MAST4: variants seen among roughly 807,000 people sequenced by gnomAD.
The protein encoded by MAST4 is microtubule-associated serine/threonine-protein kinase 4.
A neutral mutation model predicts 162.7 loss-of-function variants in MAST4; 89 were observed. The ratio of observed to expected loss-of-function variants is 0.55; its 90% CI spans 0.46 to 0.65. The LOEUF (loss-of-function observed/expected upper bound fraction) is 0.65, where lower values mean the gene tolerates loss of function less well. MAST4 is among the 30% of genes least tolerant of loss of function. The probability of loss-of-function intolerance (pLI) is 0.00; values close to 1 mark genes in which losing one functional copy is unlikely to be tolerated. For missense variants in MAST4, 3,153 were observed against 3,374.0 expected (o/e 0.93, Z 1.62); for synonymous variants, 1,479 against 1,361.1 (o/e 1.09, Z -1.91).
chr5:66,905,302 C>CAAAA (rs60337775), intron 4 of MAST4, among the ~76,000 whole-genome samples: 5 of 78,452 alleles, frequency 6.4e-5, no homozygotes, highest in East Asian at 4.3e-4. Flanking sequence ...AACTCTGTCT[C>CAAAA]AAAAAAAAAA....
At position 67,162,675 on chromosome 5, in the gene MAST4, C is replaced by T. The variant is rs1283923527; in HGVS notation, c.3854C>T (p.Ser1285Phe). ...SPLLHTSRSF[S>F]CLNRSLSSGE... ...TTACTCCACACCAGCCGAAGTTTCT[C>T]CTGCTTGAACAGATCCCTGTCATCG... The change falls in exon 28 of 29, where the codon TCC becomes TTC. Residue 1285 changes from serine (S) to phenylalanine (F), a missense_variant. This residue lies in a region of MAST4 where 619 missense variants were observed against 744.2 expected (regional missense o/e 0.83). Coordinates refer to ENST00000403625, the MANE Select transcript of MAST4 (RefSeq NM_001164664.2). 8.1e-6 allele frequency: 13 copies of T among 1,613,814 alleles called. No homozygotes were observed. Among genetic ancestry groups the T allele is most frequent in the Admixed American group, 1.7e-5 (1 of 59,988 alleles).
At chr5:67,124,105 C>T (rs1285648630) in intron 14 of MAST4, among the ~76,000 whole-genome samples, 4 of 152,182 alleles carry the variant, frequency 2.6e-5, no homozygotes, top group Admixed American at 6.5e-5. Flanking sequence ...CCACTTCTCC[C>T]CACCCTCCCA....
chr5:67,163,113 T>C lies in MAST4; in HGVS notation c.3968-34T>C, dbSNP rs1049126573. ...TGTGAAAAAAAGGGGAAAATGACCATGGATGCTCACAGCCTTCTGTTTTCC... is the reference window on the plus strand; with the variant it reads ...TGTGAAAAAAAGGGGAAAATGACCACGGATGCTCACAGCCTTCTGTTTTCC... On this transcript the variant is annotated intron_variant, in intron 28 of 28. Transcript: ENST00000403625. The surrounding 1 kb of genome is among the most constrained non-coding windows in gnomAD (Gnocchi z 7.0). 3 of 1,572,860 alleles carry C rather than the reference T, an allele frequency of 1.9e-6. No individual in the cohort carries two copies. Among genetic ancestry groups the C allele is most frequent in the Non-Finnish European group, 2.6e-6 (3 of 1,153,940 alleles).
At chr5:66,859,794 C>A (rs115306012) in intron 3 of MAST4, among the ~76,000 whole-genome samples, 2,266 of 152,284 alleles carry the variant, frequency 0.015, 54 homozygotes, top group African/African-American at 0.05. Context: ...TGTGTGATAG[C>A]AGTGATGGCA....
Position 67,164,240 on chromosome 5 carries a change from T to C in MAST4, c.5061T>C (p.Asp1687=). 1 of 1,613,906 alleles carries C rather than the reference T, an allele frequency of 6.2e-7. No individual in the cohort carries two copies. The highest frequency in any genetic ancestry group is 8.5e-7 in the Non-Finnish European group (1 of 1,179,844). The change falls in exon 29 of 29, where the codon GAT becomes GAC. Residue 1687 remains aspartate (D), a synonymous_variant. Transcript: ENST00000403625. The surrounding 1 kb of genome is among the most constrained non-coding windows in gnomAD (Gnocchi z 5.3). ...EKLDSKLANI[D]YLRKKMSLED... is the part of the protein sequence containing the mutation. ...TAGACAGCAAGCTGGCCAACATCGA[T>C]TACCTCCGAAAGAAAATGTCACTTG...
intron 3 of MAST4, among the ~76,000 whole-genome samples, chr5:66,792,877 G>A (rs1249381426): frequency 6.6e-6 from 1 of 152,086 alleles, no homozygotes; most frequent in African/African-American, 2.4e-5. Flanking sequence ...GTTCAAGTAT[G>A]GGGGGGATTG....
Position 66,917,105 on chromosome 5 carries a change from A to G in MAST4, c.674+17123A>G, listed in dbSNP as rs959025086. 3.0e-5 allele frequency: 21 copies of G among 711,616 alleles called. No individual in the cohort carries two copies. The African/African-American group carries it at 3.2e-4, about 11-fold the overall frequency. 44.1% of individuals were successfully genotyped at this position (711,616 alleles called of 1,614,324 possible). ...ACCCATAAGAATGCCCATTTTCTAC[A>G]TTCTCACCAGCACTGGATGTCACTG... On this transcript the variant is annotated intron_variant, in intron 4 of 28. Transcript: ENST00000403625.
intron 4 of MAST4, among the ~76,000 whole-genome samples, chr5:67,049,008 C>CATATATATATATACGTATAT (rs1313075086): frequency 9.6e-6 from 1 of 104,524 alleles, no homozygotes; most frequent in East Asian, 2.2e-4. Context: ...TATACACACA[C>CATATATATATATACGTATAT]ATATATATAT....
Position 66,700,545 on chromosome 5 carries a change from G to C in MAST4, c.364-59164G>C, listed in dbSNP as rs573314792. Among the ~76,000 whole-genome samples, 4 of 152,078 alleles carry C rather than the reference G, an allele frequency of 2.6e-5. No homozygotes were observed. The East Asian group carries it at 7.7e-4, about 29-fold the overall frequency. On this transcript the variant is annotated intron_variant, in intron 1 of 28. Transcript: ENST00000403625. ...AAAAATATAAAAACTAGCCGGGCTG[G>C]TGGTAGTGGGCACCTGTAATCCCAG...
rs1765376048 is a variant in MAST4, at chr5:67,104,507, C to T, written c.1288C>T (p.His430Tyr). 1.2e-6 allele frequency: 2 copies of T among 1,613,874 alleles called. No individual in the cohort carries two copies. Among genetic ancestry groups the T allele is most frequent in the Non-Finnish European group, 1.7e-6 (2 of 1,179,824 alleles). Reference sequence around the variant, plus strand: ...GGCTCGAGATTGCTTGGATAAATCCCACCAGGGCCTCATCACCTCACGATA... The same window carrying T: ...GGCTCGAGATTGCTTGGATAAATCCTACCAGGGCCTCATCACCTCACGATA... ...ELARDCLDKS[H>Y]QGLITSRYFL... The change falls in exon 10 of 29, where the codon CAC becomes TAC. Residue 430 changes from histidine to tyrosine, a missense_variant. His to Tyr is a moderately conservative substitution (Grantham distance 83). Coordinates refer to ENST00000403625, the MANE Select transcript of MAST4 (RefSeq NM_001164664.2).
At chr5:66,984,694 A>G (rs1749265849) in intron 4 of MAST4, among the ~76,000 whole-genome samples, 1 of 146,078 alleles carries the variant, frequency 6.8e-6, no homozygotes, top group African/African-American at 2.5e-5. Flanking sequence ...AGAGAAGTAG[A>G]TGGATTCAGG....
At chr5:66,688,810 T>C (rs998547594) in intron 1 of MAST4, among the ~76,000 whole-genome samples, 3 of 152,152 alleles carry the variant, frequency 2.0e-5, no homozygotes, top group Admixed American at 6.5e-5. Flanking sequence ...AGACCTTGCT[T>C]ATACTAAGAC....
chr5:66,919,978 T>C lies in MAST4; in HGVS notation c.674+19996T>C, dbSNP rs866682590. Reference sequence around the variant, plus strand: ...CTTCCTTCCTTCCTTCCTTCCTTCTTTCTCTCTCTCTCTCTCTCTCTTTCT... The same window carrying C: ...CTTCCTTCCTTCCTTCCTTCCTTCTCTCTCTCTCTCTCTCTCTCTCTTTCT... On this transcript the variant is annotated intron_variant, in intron 4 of 28. Transcript: ENST00000403625. Among the ~76,000 whole-genome samples, 948 of 126,734 alleles carry C rather than the reference T, an allele frequency of 7.5e-3. 18 individuals are homozygous for C. The highest frequency in any genetic ancestry group is 0.029 in the African/African-American group (889 of 31,046). 83.1% of individuals were successfully genotyped at this position (126,734 alleles called of 152,430 possible).
intron 4 of MAST4, among the ~76,000 whole-genome samples, chr5:67,025,938 C>T (rs1754589463): frequency 6.6e-6 from 1 of 152,156 alleles, no homozygotes; most frequent in Non-Finnish European, 1.5e-5. Flanking sequence ...TAACTGCATG[C>T]TTTTCCCTAA....
rs779721411 is a variant in MAST4, at chr5:67,166,229, C to A, written c.7050C>A (p.Asp2350Glu). ...GCCCCACCCTGTGCAAACAGACAGA[C>A]AACAGACAGACAGACAAAAGCCCGA... ...KDCPTLCKQT[D>E]NRQTDKSPSQ... is the part of the protein sequence containing the mutation. The change falls in exon 29 of 29, where the codon GAC becomes GAA. Residue 2350 changes from aspartate to glutamate, a missense_variant. This residue lies in a region of MAST4 where 1,644 missense variants were observed against 1,495.0 expected (regional missense o/e 1.10). Transcript: ENST00000403625. 1 of 1,551,810 alleles carries A rather than the reference C, an allele frequency of 6.4e-7. No individual in the cohort carries two copies. Among genetic ancestry groups the A allele is most frequent in the Admixed American group, 2.0e-5 (1 of 51,026 alleles).
intron 23 of MAST4, among the ~76,000 whole-genome samples, chr5:67,146,530 T>C (rs1008408293): frequency 3.3e-5 from 5 of 152,252 alleles, no homozygotes; most frequent in African/African-American, 1.2e-4. Context: ...GCTGTATTGA[T>C]AACCATGAAT....
intron 4 of MAST4, among the ~76,000 whole-genome samples, chr5:66,919,545 C>T (rs1764344893): frequency 6.6e-6 from 1 of 151,532 alleles, no homozygotes. Context: ...CCTGTAATCT[C>T]AGCTACTTGG....
At chr5:67,023,202 T>C (rs1754205213) in intron 4 of MAST4, among the ~76,000 whole-genome samples, 2 of 152,202 alleles carry the variant, frequency 1.3e-5, no homozygotes, top group South Asian at 4.1e-4. Context: ...TTCCATTGTA[T>C]ATATGTTATT....
chr5:66,777,615 G>A (rs1754664421), intron 2 of MAST4, among the ~76,000 whole-genome samples: 1 of 152,194 alleles, frequency 6.6e-6, no homozygotes, highest in South Asian at 2.1e-4. Flanking sequence ...CAAGGATCTG[G>A]AGGGGGCAGT....
Sources: gnomAD v4.1 joint callset for allele counts (sites outside exome capture counted in the v4.1 genomes callset) on GRCh38, gnomAD v4.1.1 for gene constraint, gnomAD v4.1.1 regional missense constraint, Gnocchi (gnomAD v3.1) non-coding constraint, MANE v1.5 for transcripts, NCBI Gene and HGNC (gene_info 2026-07-23, HGNC 2026-07-21) for gene names.